GCSH: variants seen among roughly 807,000 people sequenced by gnomAD.
GCSH encodes the protein glycine cleavage system H protein, mitochondrial.
A neutral mutation model predicts 21.3 loss-of-function variants in GCSH; 15 were observed. That is an observed-to-expected ratio of 0.70 (90% confidence interval 0.47 to 1.08). The LOEUF (loss-of-function observed/expected upper bound fraction) is 1.08, where lower values mean the gene tolerates loss of function less well. Ranked by LOEUF, GCSH falls within the 50% of genes least tolerant of loss-of-function variation. GCSH has a pLI of 0.00. For synonymous variants in GCSH, 59 were observed against 84.5 expected, an observed-to-expected ratio of 0.70 and a Z score of 1.66; for missense variants, 179 against 217.5, an observed-to-expected ratio of 0.82 and a Z score of 1.11.
chr16:81,089,725 G>A (rs1972360237), intron 2 of GCSH, among the ~76,000 whole-genome samples: 1 of 152,110 alleles, frequency 6.6e-6, no homozygotes, highest in Admixed American at 6.6e-5. Flanking sequence ...CACTGAACAC[G>A]CTAGGATTTG....
chr16:81,084,599 G>A lies in GCSH; in HGVS notation c.293-5C>T. 1 of 1,600,852 alleles carries A rather than the reference G, an allele frequency of 6.2e-7. No homozygotes were observed. The highest frequency in any genetic ancestry group is 2.2e-5 in the East Asian group (1 of 44,728). ...TTTCCAAAGCACCAAACTCATCTAA[G>A]TGGAAAAAAAATTAAAGAAAACATG... On this transcript the variant is annotated splice_polypyrimidine_tract_variant and splice_region_variant and intron_variant, in intron 3 of 4. Transcript: ENST00000315467.
At chr16:81,090,350 G>A (rs1241520049) in intron 2 of GCSH, among the ~76,000 whole-genome samples, 1 of 151,846 alleles carries the variant, frequency 6.6e-6, no homozygotes, top group Non-Finnish European at 1.5e-5. Flanking sequence ...CTGAGTAGCT[G>A]GGACCACAGG....
intron 1 of GCSH, among the ~76,000 whole-genome samples, chr16:81,095,584 G>C (rs540258511): frequency 4.3e-5 from 3 of 69,128 alleles, no homozygotes; most frequent in African/African-American, 1.4e-4. Context: ...GGATTTCACC[G>C]TGTTAGCCAG....
chr16:81,089,146 C>T (rs1972342327), intron 2 of GCSH, among the ~76,000 whole-genome samples: 1 of 152,208 alleles, frequency 6.6e-6, no homozygotes, highest in African/African-American at 2.4e-5. Context: ...TTTTGGTCAA[C>T]AACAGACCAC....
At chr16:81,093,355 A>T (rs182363448) in intron 1 of GCSH, among the ~76,000 whole-genome samples, 33 of 152,260 alleles carry the variant, frequency 2.2e-4, no homozygotes, top group Admixed American at 1.7e-3. Flanking sequence ...TGACCTTGCC[A>T]TCTTGCCTAC....
rs8177916 is a variant in GCSH, at chr16:81,087,309, C to T, written c.292+292G>A. Among the ~76,000 whole-genome samples, 5,646 of 152,040 alleles carry T rather than the reference C, an allele frequency of 0.037. 278 individuals are homozygous for T. The highest frequency in any genetic ancestry group is 0.12 in the African/African-American group (5,053 of 41,452). ...GGGAGGCCAAGGCGGGCGGATCACT[C>T]GAGGTCAGGAGTTCGAGACCAGCCT... On this transcript the variant is annotated intron_variant, in intron 3 of 4. Coordinates refer to ENST00000315467, the MANE Select transcript of GCSH (RefSeq NM_004483.5).
chr16:81,091,194 T>C (rs2041873389), intron 1 of GCSH: 2 of 411,580 alleles, frequency 4.9e-6, no homozygotes, highest in South Asian at 1.7e-5. Context: ...GGTTACAAAG[T>C]AAAATTTTAC....
chr16:81,094,422 T>G (rs1202688399), intron 1 of GCSH, among the ~76,000 whole-genome samples: 1 of 151,920 alleles, frequency 6.6e-6, no homozygotes, highest in East Asian at 1.9e-4. Flanking sequence ...GGAGAAGTGT[T>G]TGAACCCGGG....
At chr16:81,091,662 A>G (rs1209700974) in intron 1 of GCSH, among the ~76,000 whole-genome samples, 1 of 152,240 alleles carries the variant, frequency 6.6e-6, no homozygotes, top group Non-Finnish European at 1.5e-5. Flanking sequence ...ATACTGTTTT[A>G]AAGAGGCCTC....
intron 1 of GCSH, 94 bp from the exon 2 acceptor site, chr16:81,090,774 T>C: frequency 1.1e-6 from 1 of 885,874 alleles, no homozygotes; most frequent in Non-Finnish European, 1.9e-6. Flanking sequence ...TTTCCCAGAA[T>C]TTCTGTTTGA....
intron 2 of GCSH, among the ~76,000 whole-genome samples, chr16:81,089,724 C>G (rs537447658): frequency 6.6e-6 from 1 of 152,170 alleles, no homozygotes; most frequent in Non-Finnish European, 1.5e-5. Context: ...TCACTGAACA[C>G]GCTAGGATTT....
chr16:81,083,201 A>G, intron 4 of GCSH: 1 of 520,460 alleles, frequency 1.9e-6, no homozygotes, highest in Non-Finnish European at 3.5e-6. Context: ...CTTAGGTTGT[A>G]ATAAGCATCA....
intron 4 of GCSH, 89 bp from the exon 5 acceptor site, chr16:81,083,052 A>G: frequency 1.2e-6 from 1 of 828,094 alleles, no homozygotes; most frequent in Non-Finnish European, 2.2e-6. Flanking sequence ...TGAGCGCCTC[A>G]ATCTTGTATT....
intron 3 of GCSH, among the ~76,000 whole-genome samples, chr16:81,086,887 A>G (rs8177917): frequency 0.038 from 5,656 of 147,722 alleles, 287 homozygotes; most frequent in African/African-American, 0.12. Flanking sequence ...CTATTTGACT[A>G]GGAAGGTTTA....
chr16:81,087,372 AT>A (rs1175467957), intron 3 of GCSH, among the ~76,000 whole-genome samples: 1 of 152,042 alleles, frequency 6.6e-6, no homozygotes, highest in Admixed American at 6.6e-5. Flanking sequence ...CAATACAAAA[AT>A]TAGCTGGGCG....
At chr16:81,086,708 T>C (rs1274493023) in intron 3 of GCSH, among the ~76,000 whole-genome samples, 1 of 130,770 alleles carries the variant, frequency 7.6e-6, no homozygotes, top group East Asian at 2.8e-4. Flanking sequence ...AAAGAAATCA[T>C]GACTAAAATA....
In GCSH at chr16:81,090,093, TTTC is replaced by T; in HGVS notation, c.228+505_228+507del. On this transcript the variant is annotated intron_variant, in intron 2 of 4. Coordinates refer to ENST00000315467, the MANE Select transcript of GCSH (RefSeq NM_004483.5). Reference sequence around the variant, plus strand: ...CTGGTTGGTTTTCTTACTTTCTTTCTTTCTTTTTTTTTTTGGAGATGGAGTCTC... The same window carrying T: ...CTGGTTGGTTTTCTTACTTTCTTTCTTTTTTTTTTTTGGAGATGGAGTCTC... 3.3e-5 allele frequency among the ~76,000 whole-genome samples: 5 copies of T among 150,618 alleles called. No homozygotes were observed. The South Asian group carries it at 8.4e-4, about 25-fold the overall frequency.
chr16:81,094,449 G>C (rs1972459988), intron 1 of GCSH, among the ~76,000 whole-genome samples: 1 of 151,036 alleles, frequency 6.6e-6, no homozygotes, highest in Admixed American at 6.6e-5. Context: ...AGGTTGCAGT[G>C]AGCCAAGATC....
chr16:81,090,789 T>C (rs1333642068), intron 1 of GCSH, 109 bp from the exon 2 acceptor site: 2 of 778,810 alleles, frequency 2.6e-6, no homozygotes, highest in East Asian at 5.0e-5. Flanking sequence ...GTTTGACCTG[T>C]TGACACTACC....
Sources: allele counts gnomAD v4.1 joint callset (sites outside exome capture counted in the v4.1 genomes callset), GRCh38; gene constraint gnomAD v4.1.1; transcripts MANE v1.5; gene names NCBI Gene and HGNC (gene_info 2026-07-23, HGNC 2026-07-21).